Variants in MBD5 observed in about 807,000 individuals in gnomAD.
The protein encoded by MBD5 is methyl-CpG binding domain protein 5.
A neutral mutation model predicts 117.3 loss-of-function variants in MBD5; 13 were observed. That is an observed-to-expected ratio of 0.11 (90% CI 0.07 to 0.18). MBD5 has a LOEUF of 0.18. MBD5 is among the 10% of genes least tolerant of loss of function. MBD5 has a pLI of 1.00. For synonymous variants in MBD5, 727 were observed against 766.4 expected, an observed-to-expected ratio of 0.95 and a Z score of 0.85; for missense variants, 1,879 against 2,093.8, an observed-to-expected ratio of 0.90 and a Z score of 2.00.
At chr2:148,492,419 T>A (rs1681557844) in intron 11 of MBD5, among the ~76,000 whole-genome samples, 2 of 152,052 alleles carry the variant, frequency 1.3e-5, no homozygotes, top group Admixed American at 1.3e-4. Context: ...ATATACTATA[T>A]ACTAAAAGTA....
At position 148,338,694 on chromosome 2, in the gene MBD5, C is replaced by A. The variant is rs73015117; in HGVS notation, c.-679-3520C>A. Among the ~76,000 whole-genome samples the A allele has an allele frequency of 5.5e-3, 840 of 152,268 alleles. 9 individuals are homozygous for A. Among genetic ancestry groups the A allele is most frequent in the African/African-American group, 0.02 (814 of 41,528 alleles). ...ACTTTTTATGTTTTTGCAAAGCACA[C>A]AGTTTAGAGATCTGAGTCACCTCTG... On this transcript the variant is annotated intron_variant, in intron 3 of 13. Coordinates refer to ENST00000642680, the MANE Select transcript of MBD5 (RefSeq NM_001378120.1).
At chr2:148,040,929 G>A (rs80321300) in intron 1 of MBD5, among the ~76,000 whole-genome samples, 1 of 152,070 alleles carries the variant, frequency 6.6e-6, no homozygotes, top group African/African-American at 2.4e-5. Context: ...ACTGGTAGAT[G>A]TTATCTACCA....
chr2:148,094,980 A>G (rs1400997704), intron 1 of MBD5, among the ~76,000 whole-genome samples: 2 of 152,122 alleles, frequency 1.3e-5, no homozygotes, highest in African/African-American at 4.8e-5. Flanking sequence ...CTGCCTCATA[A>G]CTCCAGCGTA....
At chr2:148,208,696 G>A (rs1488523395) in intron 2 of MBD5, among the ~76,000 whole-genome samples, 1 of 146,340 alleles carries the variant, frequency 6.8e-6, no homozygotes, top group Non-Finnish European at 1.5e-5. Context: ...AACATCACTT[G>A]ACTATTACAA....
chr2:148,400,907 A>G (rs1242094928), intron 4 of MBD5, among the ~76,000 whole-genome samples: 2 of 152,166 alleles, frequency 1.3e-5, no homozygotes, highest in African/African-American at 4.8e-5. Flanking sequence ...ATGGAAAATA[A>G]TGTTTATTTG....
At chr2:148,317,311 G>A (rs535210949) in intron 3 of MBD5, among the ~76,000 whole-genome samples, 6 of 152,170 alleles carry the variant, frequency 3.9e-5, no homozygotes, top group African/African-American at 1.4e-4. Flanking sequence ...AGAGGTTGCA[G>A]TGAGCCGAGA....
chr2:148,457,573 A>G (rs140009524), intron 4 of MBD5, among the ~76,000 whole-genome samples: 3 of 152,214 alleles, frequency 2.0e-5, no homozygotes, highest in Admixed American at 2.0e-4. Flanking sequence ...GCACCTCATA[A>G]CTGAATAAGG....
Position 148,468,459 on chromosome 2 carries a change from T to G in MBD5, c.516T>G (p.Ile172Met). 6.2e-7 allele frequency: 1 copy of G among 1,613,826 alleles called. No individual in the cohort carries two copies. Among genetic ancestry groups the G allele is most frequent in the South Asian group, 1.1e-5 (1 of 91,084 alleles). ...GTAAGAATCCTTTCAAGTTAATGAT[T>G]GGATCATCAAATGCCATGGGAAGGC... ...PECKNPFKLMIGSSNAMGRLY... is the reference protein window; with the variant it reads ...PECKNPFKLMMGSSNAMGRLY... The change falls in exon 8 of 14, where the codon ATT becomes ATG. Residue 172 changes from isoleucine (I) to methionine (M), a missense_variant. Physicochemically the swap from Ile to Met is conservative, Grantham distance 10. This residue lies in a region of MBD5 where 1,666 missense variants were observed against 1,792.2 expected (regional missense o/e 0.93). Coordinates refer to ENST00000642680, the MANE Select transcript of MBD5 (RefSeq NM_001378120.1).
chr2:148,389,511 A>AT (rs1456805028), intron 4 of MBD5, among the ~76,000 whole-genome samples: 1 of 151,444 alleles, frequency 6.6e-6, no homozygotes, highest in Non-Finnish European at 1.5e-5. Context: ...TCTCCACATC[A>AT]TTTTCTATAG....
At chr2:148,177,955 A>G (rs1698428955) in intron 1 of MBD5, among the ~76,000 whole-genome samples, 1 of 152,242 alleles carries the variant, frequency 6.6e-6, no homozygotes, top group South Asian at 2.1e-4. Flanking sequence ...CAGGAGCCCA[A>G]GACCAGCCTG....
chr2:148,504,648 A>G (rs1681975822), intron 12 of MBD5, among the ~76,000 whole-genome samples: 1 of 152,188 alleles, frequency 6.6e-6, no homozygotes, highest in African/African-American at 2.4e-5. Context: ...CAATATATAT[A>G]CTATATTTTT....
At chr2:148,270,988 G>A (rs539229331) in intron 3 of MBD5, among the ~76,000 whole-genome samples, 2 of 152,040 alleles carry the variant, frequency 1.3e-5, no homozygotes, top group South Asian at 4.2e-4. Context: ...GTATTTTAAG[G>A]AGATCTCAAG....
Position 148,236,419 on chromosome 2 carries a change from A to G in MBD5, c.-680+3024A>G, listed in dbSNP as rs557303656. On this transcript the variant is annotated intron_variant, in intron 3 of 13. Coordinates refer to ENST00000642680, the MANE Select transcript of MBD5 (RefSeq NM_001378120.1). ...AGTTAGAAGAGTTGATCCATGGACTACAGAAGGAATGTTATGTTGACAAGC... is the reference window on the plus strand; with the variant it reads ...AGTTAGAAGAGTTGATCCATGGACTGCAGAAGGAATGTTATGTTGACAAGC... Among the ~76,000 whole-genome samples, 7 of 152,320 alleles carry G rather than the reference A, an allele frequency of 4.6e-5. No individual in the cohort carries two copies. In the South Asian group the frequency reaches 1.4e-3, roughly 32 times the overall value.
intron 4 of MBD5, among the ~76,000 whole-genome samples, chr2:148,357,611 T>A (rs1203281247): frequency 1.3e-5 from 2 of 152,136 alleles, no homozygotes; most frequent in Non-Finnish European, 2.9e-5. Context: ...TATTTTCTTA[T>A]AATTCTCCCC....
intron 1 of MBD5, among the ~76,000 whole-genome samples, chr2:148,147,953 A>C (rs763229783): frequency 2.0e-5 from 3 of 152,160 alleles, no homozygotes; most frequent in Non-Finnish European, 2.9e-5. Context: ...ACATGGCTCT[A>C]TAGATTCCCA....
chr2:148,074,283 T>C (rs948839343), intron 1 of MBD5, among the ~76,000 whole-genome samples: 3 of 152,144 alleles, frequency 2.0e-5, no homozygotes, highest in African/African-American at 7.2e-5. Context: ...TTATTTGTAA[T>C]TCCTTTGGAT....
rs979149059 is a variant in MBD5 at position 148,434,894 on chromosome 2, C to T, written c.-556-23309C>T. Among the ~76,000 whole-genome samples the T allele has an allele frequency of 3.9e-5, 6 of 152,080 alleles. No individual in the cohort carries two copies. The East Asian group carries it at 1.2e-3, about 29-fold the overall frequency. Reference sequence around the variant, plus strand: ...ACACCTCTTCATAGGTCTCTAAGAACTTGTTTTATGAATCTGGGTGCTTGT... The same window carrying T: ...ACACCTCTTCATAGGTCTCTAAGAATTTGTTTTATGAATCTGGGTGCTTGT... On this transcript the variant is annotated intron_variant, in intron 4 of 13. Coordinates refer to ENST00000642680, the MANE Select transcript of MBD5 (RefSeq NM_001378120.1).
At chr2:148,115,088 T>C (rs918880603) in intron 1 of MBD5, among the ~76,000 whole-genome samples, 6 of 152,180 alleles carry the variant, frequency 3.9e-5, no homozygotes, top group African/African-American at 9.6e-5. Flanking sequence ...CTAATCGTTC[T>C]GTACAAGTTG....
At chr2:148,406,209 G>T (rs994948779) in intron 4 of MBD5, among the ~76,000 whole-genome samples, 2 of 152,026 alleles carry the variant, frequency 1.3e-5, no homozygotes, top group Admixed American at 6.6e-5. Context: ...GAACAACAAT[G>T]AACATAATTT....
Sources: gnomAD v4.1 joint callset for allele counts (sites outside exome capture counted in the v4.1 genomes callset) on GRCh38, gnomAD v4.1.1 for gene constraint, gnomAD v4.1.1 regional missense constraint, MANE v1.5 for transcripts, NCBI Gene and HGNC (gene_info 2026-07-23, HGNC 2026-07-21) for gene names.